Variants in TRAPPC9 observed in about 807,000 individuals in gnomAD.
TRAPPC9 encodes IKK2 binding protein.
TRAPPC9 carries 83 observed loss-of-function variants against 124.0 expected under a neutral mutation model. The ratio of observed to expected loss-of-function variants is 0.67; its 90% confidence interval spans 0.56 to 0.80. The LOEUF (loss-of-function observed/expected upper bound fraction) is 0.80, where lower values mean the gene tolerates loss of function less well. Ranked by LOEUF, TRAPPC9 falls within the 30% of genes least tolerant of loss-of-function variation. TRAPPC9 has a pLI of 0.00. For missense variants in TRAPPC9, 1,302 were observed against 1,508.3 expected (o/e 0.86, Z 2.27); for synonymous variants, 638 against 617.5 (o/e 1.03, Z -0.49).
chr8:140,025,763 C>T (rs1290057758), intron 17 of TRAPPC9, among the ~76,000 whole-genome samples: 3 of 152,188 alleles, frequency 2.0e-5, no homozygotes, highest in Non-Finnish European at 4.4e-5. Flanking sequence ...CCTGAGGCAA[C>T]ATGGCTTAGA....
chr8:140,284,476 T>C (rs1447686003), intron 13 of TRAPPC9, among the ~76,000 whole-genome samples: 1 of 152,192 alleles, frequency 6.6e-6, no homozygotes, highest in Non-Finnish European at 1.5e-5. Context: ...GAGCCAATTG[T>C]TATTGTAGCT....
In TRAPPC9 at chr8:139,784,387, A is replaced by G. The variant is rs187437036; in HGVS notation, c.3056-52185T>C. On this transcript the variant is annotated intron_variant, in intron 21 of 22. Coordinates refer to ENST00000438773, the MANE Select transcript of TRAPPC9 (RefSeq NM_001160372.4). ...TCAGGAGTTCGAGACCAGCCTGGCC[A>G]ACATGGTGAAACCCCATCTCTACTA... Among the ~76,000 whole-genome samples, 27 of 152,128 alleles carry G rather than the reference A, an allele frequency of 1.8e-4. No homozygotes were observed. In the East Asian group the frequency reaches 4.8e-3, roughly 27 times the overall value.
intron 17 of TRAPPC9, among the ~76,000 whole-genome samples, chr8:140,187,366 A>T (rs1051011724): frequency 1.3e-5 from 2 of 152,146 alleles, no homozygotes; most frequent in Admixed American, 1.3e-4. Context: ...CCAACTCGGA[A>T]AATCTGAAAT....
At chr8:139,749,753 A>C (rs1819191423) in intron 21 of TRAPPC9, among the ~76,000 whole-genome samples, 1 of 152,146 alleles carries the variant, frequency 6.6e-6, no homozygotes, top group Non-Finnish European at 1.5e-5. Context: ...CATCTGCTTG[A>C]ACCGCCAGAG....
rs188536222 is a variant in TRAPPC9, at chr8:140,137,803, G to A, written c.2556+83656C>T. Among the ~76,000 whole-genome samples the A allele has an allele frequency of 3.3e-3, 508 of 152,264 alleles. 3 individuals carry two copies. The highest frequency in any genetic ancestry group is 5.6e-3 in the Non-Finnish European group (384 of 68,008). The stretch of plus-strand genomic sequence containing the variant: ...ATATCATGAATTTTGTCCAAGTAAC[G>A]AGGTTAGCATTTAAATCCATGTATG... On this transcript the variant is annotated intron_variant, in intron 17 of 22. Coordinates refer to ENST00000438773, the MANE Select transcript of TRAPPC9 (RefSeq NM_001160372.4).
chr8:140,020,095 A>G (rs1409637750), intron 18 of TRAPPC9, among the ~76,000 whole-genome samples: 4 of 151,840 alleles, frequency 2.6e-5, no homozygotes, highest in Non-Finnish European at 5.9e-5. Context: ...CACCTCTTTC[A>G]TTCTCATTAT....
intron 17 of TRAPPC9, among the ~76,000 whole-genome samples, chr8:140,105,779 G>C (rs542954684): frequency 3.0e-4 from 46 of 152,132 alleles, no homozygotes; most frequent in African/African-American, 8.9e-4. Context: ...CTCACCCTGT[G>C]GGGGGAGGCT....
intron 15 of TRAPPC9, among the ~76,000 whole-genome samples, chr8:140,273,145 G>A (rs2065011297): frequency 6.6e-6 from 1 of 152,202 alleles, no homozygotes; most frequent in South Asian, 2.1e-4. Flanking sequence ...CAGCACCGGA[G>A]CCGGGACACT....
intron 19 of TRAPPC9, among the ~76,000 whole-genome samples, chr8:139,934,519 C>T (rs1563933498): frequency 6.6e-6 from 1 of 152,226 alleles, no homozygotes; most frequent in Non-Finnish European, 1.5e-5. Context: ...GGTGCTATTT[C>T]AGTGGTACTC....
At chr8:139,777,653 G>T (rs1229056768) in intron 21 of TRAPPC9, among the ~76,000 whole-genome samples, 1 of 152,208 alleles carries the variant, frequency 6.6e-6, no homozygotes, top group East Asian at 1.9e-4. Context: ...AATGAATGAG[G>T]CTTCTGCTTC....
intron 8 of TRAPPC9, among the ~76,000 whole-genome samples, chr8:140,365,457 C>A (rs1002521917): frequency 2.0e-5 from 3 of 152,252 alleles, no homozygotes; most frequent in Non-Finnish European, 2.9e-5. Context: ...GAGGCCACAG[C>A]TAGCCTTGGC....
At chr8:139,963,289 C>T (rs768775944) in intron 19 of TRAPPC9, among the ~76,000 whole-genome samples, 8 of 152,132 alleles carry the variant, frequency 5.3e-5, no homozygotes, top group Non-Finnish European at 8.8e-5. Flanking sequence ...GCTAACAATG[C>T]TGCGTCTGCC....
At chr8:140,286,987 C>T (rs890775278) in intron 13 of TRAPPC9, among the ~76,000 whole-genome samples, 3 of 152,016 alleles carry the variant, frequency 2.0e-5, no homozygotes, top group African/African-American at 7.2e-5. Flanking sequence ...GAGACCCAAA[C>T]AGAAGGGCCA....
At chr8:139,748,511 G>A (rs944616433) in intron 21 of TRAPPC9, among the ~76,000 whole-genome samples, 1 of 151,554 alleles carries the variant, frequency 6.6e-6, no homozygotes, top group Non-Finnish European at 1.5e-5. Flanking sequence ...GCATACAGGG[G>A]TCAGAGTGGG....
At chr8:140,156,958 CCCTTTTCCATTCAAAAGCCT>C (rs2061644293) in intron 17 of TRAPPC9, among the ~76,000 whole-genome samples, 5 of 140,880 alleles carry the variant, frequency 3.5e-5, no homozygotes, top group Admixed American at 2.1e-4. Flanking sequence ...TCAAAAGCCT[CCCTTTTCCATTCAAAAGCCT>C]CCCTTTCCAT....
At chr8:140,276,432 A>G (rs2065123214) in intron 14 of TRAPPC9, among the ~76,000 whole-genome samples, 3 of 152,294 alleles carry the variant, frequency 2.0e-5, no homozygotes, top group Admixed American at 2.0e-4. Flanking sequence ...TCCTCACACC[A>G]GTCAGGTGAG....
At chr8:139,940,711 G>A (rs1055392609) in intron 19 of TRAPPC9, among the ~76,000 whole-genome samples, 5 of 151,958 alleles carry the variant, frequency 3.3e-5, no homozygotes, top group South Asian at 2.1e-4. Flanking sequence ...ATCAGCCAGA[G>A]AGGAGCCACA....
chr8:140,156,898 G>A (rs1345417393), intron 17 of TRAPPC9, among the ~76,000 whole-genome samples: 2 of 152,196 alleles, frequency 1.3e-5, no homozygotes, highest in Non-Finnish European at 2.9e-5. Flanking sequence ...AATAAAATGA[G>A]CAGAAAGCTA....
intron 17 of TRAPPC9, among the ~76,000 whole-genome samples, chr8:140,042,484 C>T (rs1841337021): frequency 6.6e-6 from 1 of 152,210 alleles, no homozygotes; most frequent in South Asian, 2.1e-4. Flanking sequence ...GAGTCCTGAT[C>T]TTCCTGAGAA....
Sources: gnomAD v4.1 joint callset for allele counts (sites outside exome capture counted in the v4.1 genomes callset) on GRCh38, gnomAD v4.1.1 for gene constraint, MANE v1.5 for transcripts, NCBI Gene and HGNC (gene_info 2026-07-23, HGNC 2026-07-21) for gene names.